Variants in SCG2 observed in about 807,000 individuals in gnomAD.
SCG2 encodes the protein secretogranin II.
Under a neutral mutation model 49.5 loss-of-function variants are expected in SCG2, and 23 were observed. That is an observed-to-expected ratio of 0.46 (90% confidence interval 0.33 to 0.66). The LOEUF is 0.66. Among genes scored for constraint, SCG2 ranks in the 30% least tolerant of loss-of-function variants. The pLI is 0.01. For synonymous variants in SCG2, 288 were observed against 260.4 expected, an observed-to-expected ratio of 1.11 and a Z score of -1.02; for missense variants, 730 against 728.2, an observed-to-expected ratio of 1.00 and a Z score of -0.03.
At chr2:223,600,206 T>A (rs1476432834) in intron 1 of SCG2, among the ~76,000 whole-genome samples, 1 of 152,212 alleles carries the variant, frequency 6.6e-6, no homozygotes, top group East Asian at 1.9e-4. Context: ...ATAAGTTTTT[T>A]TAGCTAGTCT....
chr2:223,601,962 G>A (rs1239101621), intron 1 of SCG2, among the ~76,000 whole-genome samples: 2 of 152,168 alleles, frequency 1.3e-5, no homozygotes, highest in Non-Finnish European at 2.9e-5. Context: ...ATTTTGGAAA[G>A]AAACAAGATA....
In SCG2 at chr2:223,598,857, G is replaced by T; in HGVS notation, c.426C>A (p.Asn142Lys). ...AATCATCACTCATGTCCATTGGAAA[G>T]TTCTTTTCTGAATTCAAGGCATAGG... Reference protein sequence around the residue: ...NKPYALNSEKNFPMDMSDDYE... With the variant: ...NKPYALNSEKKFPMDMSDDYE... The change falls in exon 2 of 2, where the codon AAC (asparagine) becomes AAA (lysine). Residue 142 changes from asparagine to lysine, a missense_variant. Physicochemically the swap from Asn to Lys is moderately conservative, Grantham distance 94. Transcript: ENST00000305409. 4 of 1,614,142 alleles carry T rather than the reference G, an allele frequency of 2.5e-6. No homozygotes were observed. The highest frequency in any genetic ancestry group is 3.4e-6 in the Non-Finnish European group (4 of 1,180,008).
Position 223,597,644 on chromosome 2 carries a change from T to A in SCG2, c.1639A>T (p.Ile547Phe). 6.2e-7 allele frequency: 1 copy of A among 1,614,152 alleles called. No homozygotes were observed. Among genetic ancestry groups the A allele is most frequent in the Non-Finnish European group, 8.5e-7 (1 of 1,180,020 alleles). Residue 547 changes from isoleucine to phenylalanine, a missense_variant, in exon 2 of 2, where the codon ATC becomes TTC. Coordinates refer to ENST00000305409, the MANE Select transcript of SCG2 (RefSeq NM_003469.5). ...LQEEEQIEQA[I>F]KEHLNQGSSQ... Reference sequence around the variant, plus strand: ...CTGCCTTGATTCAAATGCTCTTTGATGGCCTGCTCAATTTGTTCCTCTTCC... The same window carrying A: ...CTGCCTTGATTCAAATGCTCTTTGAAGGCCTGCTCAATTTGTTCCTCTTCC...
In SCG2 at chr2:223,598,215, C is replaced by T; in HGVS notation, c.1068G>A (p.Arg356=). The change falls in exon 2 of 2, where the codon AGG becomes AGA. Residue 356 remains arginine, a synonymous_variant. Transcript: ENST00000305409. ...AGTCTTCTGGGGGTATCTGTAAATT[C>T]CTTGAGATTTCAATCAGCTGATAAA... ...QSIYQLIEIS[R]NLQIPPEDLI... is the part of the protein sequence containing the mutation. 1 of 1,614,152 alleles carries T rather than the reference C, an allele frequency of 6.2e-7. No individual in the cohort carries two copies. Among genetic ancestry groups the T allele is most frequent in the African/African-American group, 1.3e-5 (1 of 75,044 alleles).
At position 223,597,885 on chromosome 2, in the gene SCG2, G is replaced by C. The variant is rs769358198; in HGVS notation, c.1398C>G (p.Leu466=). ...PYNQEKVLPR[L]PYGAGRSRSN... ...ATCTAGATCTTCCAGCACCATAAGG[G>C]AGCCTTGGCAGAACTTTCTCCTGGT... is the stretch of plus-strand genomic sequence containing the variant. The change falls in exon 2 of 2, where the codon CTC becomes CTG. Residue 466 remains leucine, a synonymous_variant. Transcript: ENST00000305409. The C allele has an allele frequency of 4.3e-6, 7 of 1,614,132 alleles. No homozygotes were observed. The highest frequency in any genetic ancestry group is 1.1e-5 in the South Asian group (1 of 91,078).
chr2:223,600,473 T>A (rs1470210483), intron 1 of SCG2, among the ~76,000 whole-genome samples: 1 of 152,192 alleles, frequency 6.6e-6, no homozygotes, highest in Non-Finnish European at 1.5e-5. Flanking sequence ...GTTTTACATT[T>A]AATATTGCTA....
intron 1 of SCG2, among the ~76,000 whole-genome samples, chr2:223,600,749 T>C (rs1691377664): frequency 6.6e-6 from 1 of 152,144 alleles, no homozygotes; most frequent in Admixed American, 6.5e-5. Flanking sequence ...TATATACCTA[T>C]TTAAATGATT....
chr2:223,600,234 T>C (rs1203883975), intron 1 of SCG2, among the ~76,000 whole-genome samples: 1 of 152,174 alleles, frequency 6.6e-6, no homozygotes, highest in Non-Finnish European at 1.5e-5. Context: ...AACTTGTGAG[T>C]GTTCAGATTC....
intron 1 of SCG2, among the ~76,000 whole-genome samples, chr2:223,600,633 C>T (rs1399931114): frequency 6.6e-6 from 1 of 152,052 alleles, no homozygotes; most frequent in Non-Finnish European, 1.5e-5. Context: ...TTAGCTTAGA[C>T]ATCAATTGTA....
chr2:223,599,126 G>A lies in SCG2; in HGVS notation c.157C>T (p.Pro53Ser). Residue 53 changes from proline to serine, a missense_variant, in exon 2 of 2, where the codon CCT becomes TCT. Physicochemically the swap from Pro to Ser is moderately conservative, Grantham distance 74. Transcript: ENST00000305409. ...TACTCCAAAGCCCTGATCATTTCAGGACTGGGAAACTTTTGGACATTTTCC... is the reference window on the plus strand; with the variant it reads ...TACTCCAAAGCCCTGATCATTTCAGAACTGGGAAACTTTTGGACATTTTCC... ...RLENVQKFPSPEMIRALEYIE... is the reference protein window; with the variant it reads ...RLENVQKFPSSEMIRALEYIE... The A allele has an allele frequency of 6.2e-7, 1 of 1,614,106 alleles. No individual in the cohort carries two copies.
chr2:223,601,552 T>C (rs1327013998), intron 1 of SCG2, among the ~76,000 whole-genome samples: 2 of 152,176 alleles, frequency 1.3e-5, no homozygotes, highest in African/African-American at 4.8e-5. Context: ...AATAACAATT[T>C]ACAAAGTTAT....
chr2:223,597,881 A>G lies in SCG2; in HGVS notation c.1402T>C (p.Tyr468His). ...NQEKVLPRLP[Y>H]GAGRSRSNQL... The stretch of plus-strand genomic sequence containing the variant: ...TTCGATCTAGATCTTCCAGCACCAT[A>G]AGGGAGCCTTGGCAGAACTTTCTCC... The change falls in exon 2 of 2, where the codon TAT becomes CAT. Residue 468 changes from tyrosine (Y) to histidine (H), a missense_variant. Coordinates refer to ENST00000305409, the MANE Select transcript of SCG2 (RefSeq NM_003469.5). 1 of 1,614,126 alleles carries G rather than the reference A, an allele frequency of 6.2e-7. No homozygotes were observed. Among genetic ancestry groups the G allele is most frequent in the Non-Finnish European group, 8.5e-7 (1 of 1,180,026 alleles).
Position 223,597,941 on chromosome 2 carries a change from G to A in SCG2, c.1342C>T (p.Gln448Ter). ...GGATTGGGAAAATACGACGTTTTCT[G>A]ATTTGCTGCACTCTCCATCCCTAAA... ...NLLGMESAAN[Q>*]KTSYFPNPYN... The change falls in exon 2 of 2, where the codon CAG becomes TAG. Residue 448 changes from glutamine to a stop codon, truncating the protein, a stop_gained. Transcript: ENST00000305409. LOFTEE classifies it high-confidence loss of function. The A allele has an allele frequency of 6.2e-7, 1 of 1,614,092 alleles. No individual in the cohort carries two copies.
At position 223,597,599 on chromosome 2, in the gene SCG2, G is replaced by A; in HGVS notation, c.1684C>T (p.Leu562=). ...GGGAACCTTTTGCTCACCGGGGCCAGCTTGTCAGTCTCCTGAGAGCTGCCT... is the reference window on the plus strand; with the variant it reads ...GGGAACCTTTTGCTCACCGGGGCCAACTTGTCAGTCTCCTGAGAGCTGCCT... ...NQGSSQETDK[L]APVSKRFPVG... is the part of the protein sequence containing the mutation. Residue 562 remains leucine, a synonymous_variant, in exon 2 of 2, where the codon CTG becomes TTG. Coordinates refer to ENST00000305409, the MANE Select transcript of SCG2 (RefSeq NM_003469.5). 1 of 1,614,116 alleles carries A rather than the reference G, an allele frequency of 6.2e-7. No individual in the cohort carries two copies. The highest frequency in any genetic ancestry group is 1.1e-5 in the South Asian group (1 of 91,064).
Position 223,597,254 on chromosome 2 carries a change from C to T in SCG2, c.*175G>A, listed in dbSNP as rs1211831420. ...CATAACATTTACACATATCCATACACAAGATAACAGCTCAGAGGAAATGAA... is the reference window on the plus strand; with the variant it reads ...CATAACATTTACACATATCCATACATAAGATAACAGCTCAGAGGAAATGAA... On this transcript the variant is annotated 3_prime_UTR_variant, in exon 2 of 2. Transcript: ENST00000305409. The T allele has an allele frequency of 4.3e-6, 3 of 691,532 alleles. No individual in the cohort carries two copies. Among genetic ancestry groups the T allele is most frequent in the African/African-American group, 3.6e-5 (2 of 55,862 alleles). 42.8% of individuals were successfully genotyped at this position (691,532 alleles called of 1,614,324 possible).
Position 223,597,116 on chromosome 2 carries a change from C to CT in SCG2, c.*312dup, listed in dbSNP as rs1434995042. On this transcript the variant is annotated 3_prime_UTR_variant, in exon 2 of 2. Coordinates refer to ENST00000305409, the MANE Select transcript of SCG2 (RefSeq NM_003469.5). ...AAACTTTCAATAGAATTATAGGACA[C>CT]TTTTTTATCATATGTGAGCATCAAC... 1.9e-5 allele frequency: 4 copies of CT among 213,364 alleles called. No individual in the cohort carries two copies. The highest frequency in any genetic ancestry group is 2.8e-5 in the Non-Finnish European group (3 of 108,294). 13.2% of individuals were successfully genotyped at this position (213,364 alleles called of 1,614,324 possible).
chr2:223,599,487 T>G (rs1204196446), intron 1 of SCG2, among the ~76,000 whole-genome samples, 191 bp from the exon 2 acceptor site: 1 of 152,210 alleles, frequency 6.6e-6, no homozygotes, highest in Non-Finnish European at 1.5e-5. Context: ...CAGGAATCTT[T>G]AGCAAAATTA....
Position 223,597,323 on chromosome 2 carries a change from T to G in SCG2, c.*106A>C. On this transcript the variant is annotated 3_prime_UTR_variant, in exon 2 of 2. Coordinates refer to ENST00000305409, the MANE Select transcript of SCG2 (RefSeq NM_003469.5). ...TGGTTTCATCTGCCTGTACATCATT[T>G]AAAGATATTACAGTGTTAACAGGAT... 7.1e-7 allele frequency: 1 copy of G among 1,402,656 alleles called. No individual in the cohort carries two copies. Among genetic ancestry groups the G allele is most frequent in the Non-Finnish European group, 9.6e-7 (1 of 1,041,748 alleles). The allele number at this position is 1,402,656 out of a possible 1,614,324, so 86.9% of individuals were successfully genotyped here.
At position 223,598,815 on chromosome 2, in the gene SCG2, C is replaced by A. The variant is rs1293291457; in HGVS notation, c.468G>T (p.Trp156Cys). The A allele has an allele frequency of 6.2e-7, 1 of 1,614,120 alleles. No homozygotes were observed. The highest frequency in any genetic ancestry group is 1.1e-5 in the South Asian group (1 of 91,076). ...DMSDDYETQQWPERKLKHMQF... is the reference protein window; with the variant it reads ...DMSDDYETQQCPERKLKHMQF... ...GCATGTGCTTAAGCTTTCTTTCTGG[C>A]CACTGCTGTGTCTCATAATCATCAC... is the stretch of plus-strand genomic sequence containing the variant. The change falls in exon 2 of 2, where the codon TGG becomes TGT. Residue 156 changes from tryptophan (W) to cysteine (C), a missense_variant. Coordinates refer to ENST00000305409, the MANE Select transcript of SCG2 (RefSeq NM_003469.5).
Sources: gnomAD v4.1 joint callset for allele counts (sites outside exome capture counted in the v4.1 genomes callset) on GRCh38, gnomAD v4.1.1 for gene constraint, MANE v1.5 for transcripts, NCBI Gene and HGNC (gene_info 2026-07-23, HGNC 2026-07-21) for gene names.